TMEM170B: variants seen among roughly 807,000 people sequenced by gnomAD.
TMEM170B encodes the protein transmembrane protein 170B.
A neutral mutation model predicts 13.0 loss-of-function variants in TMEM170B; 6 were observed. The ratio of observed to expected loss-of-function variants is 0.46; its 90% CI spans 0.25 to 0.91. TMEM170B has a LOEUF of 0.91. TMEM170B is among the 40% of genes least tolerant of loss of function. TMEM170B has a pLI of 0.17. For synonymous variants in TMEM170B, 61 were observed against 64.9 expected, an observed-to-expected ratio of 0.94 and a Z score of 0.29; for missense variants, 138 against 165.2, an observed-to-expected ratio of 0.84 and a Z score of 0.90.
intron 1 of TMEM170B, among the ~76,000 whole-genome samples, chr6:11,558,551 G>A (rs1759619578): frequency 6.6e-6 from 1 of 152,070 alleles, no homozygotes; most frequent in Admixed American, 6.5e-5. Context: ...TGGTATCAAG[G>A]CATCATCATT....
At chr6:11,546,264 A>G (rs471752) in intron 1 of TMEM170B, among the ~76,000 whole-genome samples, 32,077 of 151,728 alleles carry the variant, frequency 0.21, 4,087 homozygotes, top group South Asian at 0.45. Context: ...TAATTTTAGA[A>G]GTAGAAAAAG....
rs187202482 is a variant in TMEM170B, at chr6:11,554,068, C to T, written c.98-11598C>T. ...CCTGGTTATGCTTGTATTTCCTGAT[C>T]GGTCATTCCTTTGGTTACCTATTTA... On this transcript the variant is annotated intron_variant, in intron 1 of 2. Transcript: ENST00000379426. Among the ~76,000 whole-genome samples, 225 of 152,172 alleles carry T rather than the reference C, an allele frequency of 1.5e-3. 2 individuals carry two copies. The highest frequency in any genetic ancestry group is 1.3e-3 in the Admixed American group (20 of 15,280).
At chr6:11,550,759 C>T (rs61000931) in intron 1 of TMEM170B, among the ~76,000 whole-genome samples, 1,655 of 152,204 alleles carry the variant, frequency 0.011, 40 homozygotes, top group African/African-American at 0.037. Context: ...GATTATTTTG[C>T]CCTTGCTTAC....
chr6:11,543,515 T>G (rs896201466), intron 1 of TMEM170B, among the ~76,000 whole-genome samples: 2 of 152,204 alleles, frequency 1.3e-5, no homozygotes, highest in African/African-American at 4.8e-5. Context: ...ATTGTTCTTA[T>G]TTTACAGATT....
At chr6:11,548,111 C>T (rs1057122195) in intron 1 of TMEM170B, among the ~76,000 whole-genome samples, 1 of 152,102 alleles carries the variant, frequency 6.6e-6, no homozygotes, top group Non-Finnish European at 1.5e-5. Context: ...AGAGCTTCTG[C>T]ACAGCAAAAG....
At chr6:11,557,408 A>G (rs1247821056) in intron 1 of TMEM170B, among the ~76,000 whole-genome samples, 1 of 152,218 alleles carries the variant, frequency 6.6e-6, no homozygotes, top group African/African-American at 2.4e-5. Context: ...TGCTGGGCTT[A>G]ATACCTAGGT....
intron 1 of TMEM170B, among the ~76,000 whole-genome samples, chr6:11,547,985 A>G (rs867644199): frequency 6.6e-6 from 1 of 152,210 alleles, no homozygotes; most frequent in African/African-American, 2.4e-5. Flanking sequence ...TTTTCTGTAG[A>G]AAAGAAACCT....
In TMEM170B at chr6:11,555,854, T is replaced by C. The variant is rs188268859; in HGVS notation, c.98-9812T>C. Among the ~76,000 whole-genome samples the C allele has an allele frequency of 3.0e-4, 43 of 145,492 alleles. No individual in the cohort carries two copies. The East Asian group carries it at 6.8e-3, about 23-fold the overall frequency. The stretch of plus-strand genomic sequence containing the variant: ...TTTTAATTTTTTGATTGAAAAAGTC[T>C]CACTAAAGACTGAGGTACAAGGCCG... On this transcript the variant is annotated intron_variant, in intron 1 of 2. Coordinates refer to ENST00000379426, the MANE Select transcript of TMEM170B (RefSeq NM_001100829.3).
intron 1 of TMEM170B, 37 bp downstream of exon 1, chr6:11,538,411 T>C: frequency 1.4e-6 from 2 of 1,406,158 alleles, no homozygotes; most frequent in Non-Finnish European, 9.5e-7. Context: ...GGGGATGCGG[T>C]CCGCCCCTCT....
intron 1 of TMEM170B, among the ~76,000 whole-genome samples, chr6:11,541,437 C>CA (rs1485303128): frequency 2.0e-5 from 3 of 152,170 alleles, no homozygotes; most frequent in Non-Finnish European, 4.4e-5. Context: ...CTGCTAGTAT[C>CA]AAACTTTCTT....
chr6:11,554,590 T>C (rs1481484401), intron 1 of TMEM170B, among the ~76,000 whole-genome samples: 1 of 152,138 alleles, frequency 6.6e-6, no homozygotes, highest in Non-Finnish European at 1.5e-5. Context: ...GATATTTTGA[T>C]TGGTTTTAAT....
chr6:11,552,097 C>T (rs1759532727), intron 1 of TMEM170B, among the ~76,000 whole-genome samples: 1 of 152,114 alleles, frequency 6.6e-6, no homozygotes, highest in African/African-American at 2.4e-5. Flanking sequence ...AGAACAAGGC[C>T]TAGGATGCTG....
intron 1 of TMEM170B, among the ~76,000 whole-genome samples, chr6:11,544,887 G>A (rs772159501): frequency 6.6e-6 from 1 of 151,858 alleles, no homozygotes; most frequent in Non-Finnish European, 1.5e-5. Context: ...TCTAAAATGA[G>A]AGTCAATATT....
intron 1 of TMEM170B, among the ~76,000 whole-genome samples, chr6:11,555,773 C>G (rs1231288238): frequency 1.6e-4 from 24 of 152,188 alleles, no homozygotes; most frequent in Admixed American, 1.6e-3. Flanking sequence ...GACTCTGGTT[C>G]TGTAGATTGC....
At position 11,545,280 on chromosome 6, in the gene TMEM170B, C is replaced by CTCTGTGTG. The variant is rs1442789332; in HGVS notation, c.97+6907_97+6908insCTGTGTGT. ...TTAAAAGGCTTCTCTCTCTCTCTCT[C>CTCTGTGTG]TGTGTGTGTGTGTGTGTGTGTGTGT... On this transcript the variant is annotated intron_variant, in intron 1 of 2. Transcript: ENST00000379426. Among the ~76,000 whole-genome samples the CTCTGTGTG allele has an allele frequency of 1.8e-3, 256 of 139,804 alleles. 2 individuals are homozygous for CTCTGTGTG. The highest frequency in any genetic ancestry group is 0.015 in the East Asian group (70 of 4,764). 91.7% of individuals were successfully genotyped at this position (139,804 alleles called of 152,430 possible). A position where few individuals can be genotyped will look rare whatever the true frequency, so the allele number is the denominator to read the frequency against.
chr6:11,558,154 C>T (rs1461924074), intron 1 of TMEM170B, among the ~76,000 whole-genome samples: 1 of 152,138 alleles, frequency 6.6e-6, no homozygotes, highest in Non-Finnish European at 1.5e-5. Context: ...CCACAGTAAT[C>T]TTTTTAAAAG....
In TMEM170B at chr6:11,581,937, T is replaced by A. The variant is rs1026476334; in HGVS notation, c.*6376T>A. 10 of 152,222 alleles carry A rather than the reference T, an allele frequency of 6.6e-5. No homozygotes were observed. The highest frequency in any genetic ancestry group is 1.5e-4 in the Non-Finnish European group (10 of 68,026). 9.4% of individuals were successfully genotyped at this position (152,222 alleles called of 1,614,324 possible). A position where few individuals can be genotyped will look rare whatever the true frequency, so the allele number is the denominator to read the frequency against. On this transcript the variant is annotated 3_prime_UTR_variant, in exon 3 of 3. Transcript: ENST00000379426. ...AGTTTAACTGTTGACACTTTCTTAA[T>A]GTTTTTGATGTTGGATGCATTTACA... is the stretch of plus-strand genomic sequence containing the variant.
Position 11,576,304 on chromosome 6 carries a change from C to G in TMEM170B, c.*743C>G, listed in dbSNP as rs1204557786. 6.6e-6 allele frequency: 1 copy of G among 152,082 alleles called. No homozygotes were observed. Among genetic ancestry groups the G allele is most frequent in the Non-Finnish European group, 1.5e-5 (1 of 68,006 alleles). The allele number at this position is 152,082 out of a possible 1,614,324, so 9.4% of individuals were successfully genotyped here. ...CTCATGCATCCATATTCTGTTTATA[C>G]AAATTCAGAAACTTGAAGGGTCATA... On this transcript the variant is annotated 3_prime_UTR_variant, in exon 3 of 3. Transcript: ENST00000379426.
Position 11,575,742 on chromosome 6 carries a change from C to T in TMEM170B, c.*181C>T, listed in dbSNP as rs1006245649. 9.9e-6 allele frequency: 6 copies of T among 607,524 alleles called. No individual in the cohort carries two copies. The highest frequency in any genetic ancestry group is 3.7e-5 in the African/African-American group (2 of 53,818). The allele number at this position is 607,524 out of a possible 1,614,324, so 37.6% of individuals were successfully genotyped here. A position where few individuals can be genotyped will look rare whatever the true frequency, so the allele number is the denominator to read the frequency against. On this transcript the variant is annotated 3_prime_UTR_variant, in exon 3 of 3. Coordinates refer to ENST00000379426, the MANE Select transcript of TMEM170B (RefSeq NM_001100829.3). The surrounding 1 kb of genome is among the most constrained non-coding windows in gnomAD (Gnocchi z 4.1). ...TCTGGTGTTCAAGTGATTGCACTAC[C>T]GCACTGCACCTTATGTGCCTCTGTC...
Sources: allele counts gnomAD v4.1 joint callset (sites outside exome capture counted in the v4.1 genomes callset), GRCh38; gene constraint gnomAD v4.1.1; non-coding constraint Gnocchi (gnomAD v3.1); transcripts MANE v1.5; gene names NCBI Gene and HGNC (gene_info 2026-07-23, HGNC 2026-07-21).